FBRSL1: variants seen among roughly 807,000 people sequenced by gnomAD.
The protein encoded by FBRSL1 is fibrosin-1-like protein.
Under a neutral mutation model 89.6 loss-of-function variants are expected in FBRSL1, and 51 were observed. The observed-to-expected ratio is 0.57, with a 90% CI of 0.45 to 0.72. The LOEUF is 0.72. Among genes scored for constraint, FBRSL1 ranks in the 30% least tolerant of loss-of-function variants. The pLI is 0.00. For missense variants in FBRSL1, 1,618 were observed against 1,451.8 expected (o/e 1.11, Z -1.86); for synonymous variants, 779 against 681.1 (o/e 1.14, Z -2.24).
intron 4 of FBRSL1, among the ~76,000 whole-genome samples, chr12:132,534,059 C>T (rs1188497673): frequency 2.0e-5 from 3 of 152,162 alleles, no homozygotes; most frequent in African/African-American, 4.8e-5. Flanking sequence ...CCCCACCACC[C>T]CAGGCTAAGT....
chr12:132,509,868 C>T (rs1295606727), intron 2 of FBRSL1: 24 of 1,231,774 alleles, frequency 1.9e-5, no homozygotes, highest in Non-Finnish European at 2.2e-5. Context: ...ACCACGCCGA[C>T]GGCCCGCCAG....
chr12:132,572,499 C>A (rs3829336), intron 10 of FBRSL1, 28 bp from the exon 11 acceptor site: 30,054 of 1,529,816 alleles, frequency 0.02, 837 homozygotes, highest in East Asian at 0.14. Context: ...CTTGGGCCCC[C>A]CCTCCATCCG....
chr12:132,558,390 C>T (rs2038848381), intron 5 of FBRSL1, among the ~76,000 whole-genome samples: 1 of 152,228 alleles, frequency 6.6e-6, no homozygotes, highest in Non-Finnish European at 1.5e-5. Context: ...GGTGGCTTAT[C>T]CAAGTCCTCA....
At chr12:132,544,425 T>C (rs769739104) in intron 4 of FBRSL1, among the ~76,000 whole-genome samples, 23 of 152,048 alleles carry the variant, frequency 1.5e-4, no homozygotes, top group Non-Finnish European at 3.2e-4. Flanking sequence ...GCCATCAGGG[T>C]CATAGACAAG....
At chr12:132,543,274 C>T (rs2037416770) in intron 4 of FBRSL1, among the ~76,000 whole-genome samples, 1 of 152,232 alleles carries the variant, frequency 6.6e-6, no homozygotes, top group Admixed American at 6.5e-5. Flanking sequence ...GATGAGGAAA[C>T]AGGCTCGGAG....
intron 5 of FBRSL1, chr12:132,551,006 T>C: frequency 4.0e-6 from 1 of 247,708 alleles, no homozygotes; most frequent in Non-Finnish European, 8.2e-6. Context: ...CCACTGGCCG[T>C]CCCCAGCCCT....
Position 132,574,528 on chromosome 12 carries a change from C to G in FBRSL1, c.1665C>G (p.Ile555Met). The G allele has an allele frequency of 6.5e-6, 10 of 1,550,216 alleles. No homozygotes were observed. The highest frequency in any genetic ancestry group is 8.7e-6 in the Non-Finnish European group (10 of 1,146,838). ...PGRWCAVHVQIAWQIYRHQQK... is the reference protein window; with the variant it reads ...PGRWCAVHVQMAWQIYRHQQK... ...GGTGGTGTGCCGTGCACGTGCAGATCGCCTGGCAGATCTACCGTCACCAGC... is the reference window on the plus strand; with the variant it reads ...GGTGGTGTGCCGTGCACGTGCAGATGGCCTGGCAGATCTACCGTCACCAGC... The change falls in exon 14 of 19, where the codon ATC becomes ATG. Residue 555 changes from isoleucine (I) to methionine (M), a missense_variant. Physicochemically the swap from Ile to Met is conservative, Grantham distance 10. Transcript: ENST00000680143.
Position 132,490,477 on chromosome 12 carries a change from A to C in FBRSL1, c.-94A>C, listed in dbSNP as rs1324923429. 2.1e-4 allele frequency: 183 copies of C among 874,912 alleles called. 5 individuals are homozygous for C. The South Asian group carries it at 8.6e-3, about 41-fold the overall frequency. The allele number at this position is 874,912 out of a possible 1,614,324, so 54.2% of individuals were successfully genotyped here. A position where few individuals can be genotyped will look rare whatever the true frequency, so the allele number is the denominator to read the frequency against. On this transcript the variant is annotated 5_prime_UTR_variant, in exon 1 of 19. Coordinates refer to ENST00000680143, the MANE Select transcript of FBRSL1 (RefSeq NM_001367871.1). ...GCCCGAGCCCGCGCGGCGCACACTC[A>C]GCCCGGCGGCGCCGCGTAGCCGAGG...
intron 2 of FBRSL1, among the ~76,000 whole-genome samples, chr12:132,516,292 C>T (rs1265263022): frequency 2.0e-5 from 3 of 151,286 alleles, no homozygotes; most frequent in Non-Finnish European, 4.4e-5. Flanking sequence ...TCAAGCAGTT[C>T]TCCTGCCTCA....
chr12:132,569,300 G>A (rs1425103144), intron 6 of FBRSL1, among the ~76,000 whole-genome samples: 1 of 152,176 alleles, frequency 6.6e-6, no homozygotes, highest in African/African-American at 2.4e-5. Context: ...TGGCCAGGGA[G>A]CAGGGCTGAG....
chr12:132,572,196 GTCACT>G, intron 9 of FBRSL1, 87 bp from the exon 10 acceptor site: 1 of 1,230,766 alleles, frequency 8.1e-7, no homozygotes, highest in Non-Finnish European at 1.1e-6. Flanking sequence ...ACGCCGTCCT[GTCACT>G]GCCCAGCCCG....
At chr12:132,522,160 G>T (rs1045948378) in intron 2 of FBRSL1, among the ~76,000 whole-genome samples, 13 of 152,128 alleles carry the variant, frequency 8.5e-5, no homozygotes, top group Non-Finnish European at 1.8e-4. Flanking sequence ...TTTCCTGGCT[G>T]CATGGCGGGG....
intron 4 of FBRSL1, among the ~76,000 whole-genome samples, chr12:132,537,408 G>A (rs756244475): frequency 2.6e-5 from 4 of 152,162 alleles, no homozygotes; most frequent in African/African-American, 9.7e-5. Flanking sequence ...TGTGTGGGTT[G>A]GGCCGAACCC....
At chr12:132,524,873 G>A (rs568040251) in intron 2 of FBRSL1, among the ~76,000 whole-genome samples, 29 of 152,336 alleles carry the variant, frequency 1.9e-4, no homozygotes, top group South Asian at 1.9e-3. Flanking sequence ...TGCAGGGCTC[G>A]GGGTCTGGTC....
At chr12:132,551,713 C>T (rs530918706) in intron 5 of FBRSL1, 180 of 390,594 alleles carry the variant, frequency 4.6e-4, no homozygotes, top group African/African-American at 1.8e-3. Flanking sequence ...ACACTGTGCC[C>T]GCCCAGCCGC....
chr12:132,557,265 G>C (rs911203902), intron 5 of FBRSL1, among the ~76,000 whole-genome samples: 1 of 152,224 alleles, frequency 6.6e-6, no homozygotes, highest in Non-Finnish European at 1.5e-5. Context: ...TCCCTAACTG[G>C]ATTATGTATA....
intron 2 of FBRSL1, among the ~76,000 whole-genome samples, chr12:132,519,913 A>AG (rs1470145949): frequency 3.3e-5 from 5 of 151,516 alleles, no homozygotes; most frequent in African/African-American, 1.2e-4. Flanking sequence ...AAAAAAAAAA[A>AG]AAAAAGTGGC....
intron 1 of FBRSL1, among the ~76,000 whole-genome samples, chr12:132,491,407 T>C (rs1051810751): frequency 6.6e-6 from 1 of 152,222 alleles, no homozygotes; most frequent in African/African-American, 2.4e-5. Context: ...CGGACAGTAT[T>C]TGCTGAGCAA....
At chr12:132,557,704 T>C (rs1236358445) in intron 5 of FBRSL1, among the ~76,000 whole-genome samples, 2 of 152,172 alleles carry the variant, frequency 1.3e-5, no homozygotes, top group Non-Finnish European at 1.5e-5. Context: ...CGTAGCCCAA[T>C]TGGAGCTGGC....
Sources: gnomAD v4.1 joint callset for allele counts (sites outside exome capture counted in the v4.1 genomes callset) on GRCh38, gnomAD v4.1.1 for gene constraint, MANE v1.5 for transcripts, NCBI Gene and HGNC (gene_info 2026-07-23, HGNC 2026-07-21) for gene names.